The following CSMD1 variants were observed in gnomAD, a reference collection of about 807,000 sequenced individuals.
CSMD1 encodes CUB and sushi domain-containing protein 1.
CSMD1 carries 213 observed loss-of-function variants against 417.5 expected under a neutral mutation model. The observed-to-expected ratio is 0.51, with a 90% CI of 0.46 to 0.57. CSMD1 has a LOEUF of 0.57. Ranked by LOEUF, CSMD1 falls within the 20% of genes least tolerant of loss-of-function variation. The pLI, the probability that CSMD1 is intolerant of heterozygous loss-of-function variation, is 0.00. For synonymous variants in CSMD1, 2,862 were observed against 1,736.8 expected (o/e 1.65, Z -16.11); for missense variants, 6,923 against 4,529.7 (o/e 1.53, Z -15.17).
rs1312703586 is a variant in CSMD1, at chr8:4,538,503, T to TGTG, written c.302+98836_302+98838dup. Among the ~76,000 whole-genome samples, 3 of 152,102 alleles carry TGTG rather than the reference T, an allele frequency of 2.0e-5. No individual in the cohort carries two copies. In the East Asian group the frequency reaches 5.8e-4, roughly 29 times the overall value. ...ACTAAAAATAGAAAAATTAGCTGTGTGTGGTGGCAGGTGCCTGTAATCCCA... is the reference window on the plus strand; with the variant it reads ...ACTAAAAATAGAAAAATTAGCTGTGTGTGGTGGTGGCAGGTGCCTGTAATCCCA... On this transcript the variant is annotated intron_variant, in intron 2 of 69. Coordinates refer to ENST00000635120, the MANE Select transcript of CSMD1 (RefSeq NM_033225.6).
At chr8:3,466,097 A>C (rs1162198120) in intron 12 of CSMD1, among the ~76,000 whole-genome samples, 3 of 152,252 alleles carry the variant, frequency 2.0e-5, no homozygotes, top group Non-Finnish European at 4.4e-5. Flanking sequence ...ATGCAAACAG[A>C]AATAAGAGCT....
intron 5 of CSMD1, among the ~76,000 whole-genome samples, chr8:3,851,491 G>C (rs1803901412): frequency 6.6e-6 from 1 of 152,146 alleles, no homozygotes; most frequent in Non-Finnish European, 1.5e-5. Flanking sequence ...GAAAGACCTA[G>C]TGTCTTGAGA....
intron 23 of CSMD1, among the ~76,000 whole-genome samples, chr8:3,310,288 G>A (rs58025701): frequency 0.019 from 2,867 of 152,228 alleles, 93 homozygotes; most frequent in African/African-American, 0.065. Flanking sequence ...TTCTGTTTTC[G>A]CAGAGAGGAA....
At chr8:4,778,150 AT>A (rs1796965220) in intron 1 of CSMD1, among the ~76,000 whole-genome samples, 1 of 152,218 alleles carries the variant, frequency 6.6e-6, no homozygotes, top group Admixed American at 6.5e-5. Flanking sequence ...ATAAATATAC[AT>A]TACATATAAA....
chr8:4,299,535 A>T (rs1797869019), intron 3 of CSMD1, among the ~76,000 whole-genome samples: 1 of 152,242 alleles, frequency 6.6e-6, no homozygotes, highest in Admixed American at 6.5e-5. Context: ...TATTGCAAAG[A>T]AAAATCAGTT....
intron 52 of CSMD1, among the ~76,000 whole-genome samples, chr8:3,003,431 T>G (rs962898636): frequency 6.6e-6 from 1 of 152,210 alleles, no homozygotes; most frequent in African/African-American, 2.4e-5. Context: ...ATCAAGTTCA[T>G]GCTTCTCTGC....
chr8:4,809,342 C>T (rs989508802), intron 1 of CSMD1, among the ~76,000 whole-genome samples: 4 of 152,146 alleles, frequency 2.6e-5, no homozygotes, highest in Admixed American at 2.0e-4. Context: ...CGGTGTATCA[C>T]CATGGGATGA....
Position 3,144,848 on chromosome 8 carries a change from G to T in CSMD1, c.6032-2174C>A, listed in dbSNP as rs1468413988. ...GGGTAAGGGAGGGAGGGGGTCCAGG[G>T]GCTCCTGTGTCCCTTGGTTTGGAGC... On this transcript the variant is annotated intron_variant, in intron 40 of 69. Coordinates refer to ENST00000635120, the MANE Select transcript of CSMD1 (RefSeq NM_033225.6). Among the ~76,000 whole-genome samples, 4 of 149,998 alleles carry T rather than the reference G, an allele frequency of 2.7e-5. No homozygotes were observed. The Admixed American group carries it at 2.7e-4, about 10-fold the overall frequency.
chr8:4,610,877 T>A (rs1563332659), intron 2 of CSMD1, among the ~76,000 whole-genome samples: 1 of 152,216 alleles, frequency 6.6e-6, no homozygotes, highest in Non-Finnish European at 1.5e-5. Flanking sequence ...CGTTTTTGAA[T>A]CATTTTAATG....
At chr8:4,702,742 T>G (rs943846939) in intron 1 of CSMD1, among the ~76,000 whole-genome samples, 1 of 152,184 alleles carries the variant, frequency 6.6e-6, no homozygotes, top group African/African-American at 2.4e-5. Flanking sequence ...TTGTCTATTC[T>G]GTGGAAGGAA....
intron 7 of CSMD1, among the ~76,000 whole-genome samples, chr8:3,659,124 T>C (rs1798278026): frequency 6.6e-6 from 1 of 152,166 alleles, no homozygotes; most frequent in African/African-American, 2.4e-5. Flanking sequence ...AGATAGCACA[T>C]AAATCCTTAA....
rs143974721 is a variant in CSMD1 at position 3,908,957 on chromosome 8, T to C, written c.818+88946A>G. On this transcript the variant is annotated intron_variant, in intron 5 of 69. Transcript: ENST00000635120. ...CTGGCAAACAGGGCTCCTTCACTAC[T>C]GTTCTCCTTCACTACTACTTCACTA... is the stretch of plus-strand genomic sequence containing the variant. Among the ~76,000 whole-genome samples the C allele has an allele frequency of 6.0e-3, 908 of 152,342 alleles. 3 individuals are homozygous for C. Among genetic ancestry groups the C allele is most frequent in the Non-Finnish European group, 8.1e-3 (552 of 68,036 alleles).
chr8:2,950,314 G>A lies in CSMD1; in HGVS notation c.10231C>T (p.Leu3411Phe). 5.0e-6 allele frequency: 8 copies of A among 1,613,320 alleles called. No individual in the cohort carries two copies. The highest frequency in any genetic ancestry group is 6.8e-6 in the Non-Finnish European group (8 of 1,179,316). ...CCTTTAATTTGAAAAGCTTTCAGGA[G>A]TAAGTGGGCCTCCTCCTTCTTGTAA... ...GIYKKEEAHLLLKAFQIKGQA... is the reference protein window; with the variant it reads ...GIYKKEEAHLFLKAFQIKGQA... The change falls in exon 67 of 70, where the codon CTC becomes TTC. Residue 3411 changes from leucine to phenylalanine, a missense_variant. Transcript: ENST00000635120.
intron 10 of CSMD1, among the ~76,000 whole-genome samples, chr8:3,552,976 C>T (rs560690861): frequency 1.3e-5 from 2 of 152,064 alleles, no homozygotes; most frequent in Non-Finnish European, 2.9e-5. Context: ...AGAAATAGTT[C>T]ACCACATATT....
chr8:4,973,080 G>A (rs1431646365), intron 1 of CSMD1, among the ~76,000 whole-genome samples: 2 of 152,136 alleles, frequency 1.3e-5, no homozygotes, highest in Non-Finnish European at 2.9e-5. Context: ...TTATAAGAGT[G>A]CTTGGGCAAT....
intron 4 of CSMD1, among the ~76,000 whole-genome samples, chr8:4,011,663 C>T (rs1585128947): frequency 6.6e-6 from 1 of 152,154 alleles, no homozygotes. Flanking sequence ...CCTACACTTC[C>T]TAAATTTTTA....
intron 4 of CSMD1, among the ~76,000 whole-genome samples, chr8:4,025,610 G>A (rs1340378018): frequency 1.3e-5 from 2 of 152,138 alleles, no homozygotes; most frequent in Admixed American, 1.3e-4. Flanking sequence ...TTTAAGACTG[G>A]CAGAACATGC....
At chr8:3,685,378 T>G (rs1296989651) in intron 7 of CSMD1, among the ~76,000 whole-genome samples, 4 of 152,044 alleles carry the variant, frequency 2.6e-5, no homozygotes, top group African/African-American at 9.7e-5. Flanking sequence ...ACACCAGGGG[T>G]CCTGTCTGGG....
intron 1 of CSMD1, among the ~76,000 whole-genome samples, chr8:4,658,915 T>G (rs1046377460): frequency 6.6e-6 from 1 of 152,126 alleles, no homozygotes; most frequent in African/African-American, 2.4e-5. Flanking sequence ...TGAAAATACG[T>G]TGATATTAAT....
Sources: allele counts gnomAD v4.1 joint callset (sites outside exome capture counted in the v4.1 genomes callset), GRCh38; gene constraint gnomAD v4.1.1; transcripts MANE v1.5; gene names NCBI Gene and HGNC (gene_info 2026-07-23, HGNC 2026-07-21).